MUC22: variants seen among roughly 807,000 people sequenced by gnomAD.
The protein encoded by MUC22 is mucin 22.
In MUC22, 24 loss-of-function variants were observed where a neutral mutation model predicts 40.3. That is an observed-to-expected ratio of 0.60 (90% confidence interval 0.43 to 0.84). The LOEUF is 0.84. Ranked by LOEUF, MUC22 falls within the 40% of genes least tolerant of loss-of-function variation. MUC22 has a pLI of 0.00. For synonymous variants in MUC22, 765 were observed against 844.5 expected, an observed-to-expected ratio of 0.91 and a Z score of 1.63; for missense variants, 1,926 against 2,130.7, an observed-to-expected ratio of 0.90 and a Z score of 1.89.
intron 1 of MUC22, among the ~76,000 whole-genome samples, chr6:31,017,878 C>T (rs898711386): frequency 2.0e-5 from 3 of 152,122 alleles, no homozygotes; most frequent in Non-Finnish European, 2.9e-5. Context: ...AAACTTTGTT[C>T]TTTCACTCTT....
At chr6:31,029,893 G>A in exon 2 of MUC22, 2 of 1,520,576 alleles carry the variant, frequency 1.3e-6, no homozygotes, top group Non-Finnish European at 1.8e-6. Flanking sequence ...GACCAACACT[G>A]CCTTCATCAT....
At chr6:31,029,096 G>A in exon 2 of MUC22, 1 of 1,534,314 alleles carries the variant, frequency 6.5e-7, no homozygotes. Context: ...ACTACTATGG[G>A]CTCTGAGACC....
chr6:31,022,156 C>T (rs1290367809), intron 1 of MUC22, among the ~76,000 whole-genome samples: 1 of 152,136 alleles, frequency 6.6e-6, no homozygotes, highest in Non-Finnish European at 1.5e-5. Context: ...AAACTCCAGA[C>T]ATGCCACCTT....
At chr6:31,034,927 G>A (rs1283509673) in exon 4 of MUC22, 1 of 1,535,554 alleles carries the variant, frequency 6.5e-7, no homozygotes, top group Admixed American at 2.0e-5. Context: ...TGGACATGGA[G>A]GAGGCCACTG....
At position 31,026,061 on chromosome 6, in the gene MUC22, CA is replaced by C. The variant is rs1446097408; in HGVS notation, c.631del (p.Thr211GlnfsTer37). On this transcript the variant is annotated frameshift_variant, in exon 2 of 4. Transcript: ENST00000561890. LOFTEE classifies it high-confidence loss of function. ...GCTCTGAGGCCACTAAAGTCTCTAC[CA>C]CAGGCTCTGAAACCACCACAGCATC... 1 of 1,530,058 alleles carries C rather than the reference CA, an allele frequency of 6.5e-7. No homozygotes were observed. The highest frequency in any genetic ancestry group is 1.2e-5 in the South Asian group (1 of 83,584). The allele number at this position is 1,530,058 out of a possible 1,614,324, so 94.8% of individuals were successfully genotyped here.
exon 2 of MUC22, chr6:31,026,311 G>A (rs1765331648): frequency 6.6e-7 from 1 of 1,509,744 alleles, no homozygotes; most frequent in Admixed American, 2.0e-5. Flanking sequence ...CTCTACAGCA[G>A]GTTCTGAGAC....
chr6:31,012,014 G>A (rs1449727609), intron 1 of MUC22, among the ~76,000 whole-genome samples: 6 of 152,184 alleles, frequency 3.9e-5, no homozygotes, highest in African/African-American at 1.4e-4. Flanking sequence ...AAACAGCCCA[G>A]GGGAGAAGTG....
chr6:31,026,441 C>A (rs1490161688), exon 2 of MUC22: 1 of 1,508,136 alleles, frequency 6.6e-7, no homozygotes, highest in Non-Finnish European at 8.9e-7. Context: ...GGCTCTGGGA[C>A]CACCACAGCT....
intron 2 of MUC22, among the ~76,000 whole-genome samples, chr6:31,031,367 G>A (rs189379140): frequency 1.3e-5 from 2 of 152,150 alleles, no homozygotes; most frequent in African/African-American, 2.4e-5. Flanking sequence ...TCCCAGCCAC[G>A]GCCACTGGCA....
exon 2 of MUC22, chr6:31,025,825 A>G (rs1343029022): frequency 6.5e-7 from 1 of 1,533,364 alleles, no homozygotes; most frequent in Non-Finnish European, 8.7e-7. Flanking sequence ...CGTGGCCTCC[A>G]CCACAGTCTC....
intron 1 of MUC22, among the ~76,000 whole-genome samples, chr6:31,022,704 G>A (rs1206490221): frequency 6.6e-6 from 1 of 152,224 alleles, no homozygotes; most frequent in African/African-American, 2.4e-5. Context: ...AGACTCTCAT[G>A]CCTTTACAGG....
At chr6:31,030,338 A>T (rs1320884754) in intron 2 of MUC22, among the ~76,000 whole-genome samples, 1 of 152,078 alleles carries the variant, frequency 6.6e-6, no homozygotes, top group African/African-American at 2.4e-5. Context: ...TAACACGGTG[A>T]AATCCAGTCT....
At position 31,027,099 on chromosome 6, in the gene MUC22, T is replaced by C. The variant is rs568996220; in HGVS notation, c.1668T>C (p.Thr556=). The C allele has an allele frequency of 4.3e-3, 6,276 of 1,472,544 alleles. 495 individuals carry two copies. The highest frequency in any genetic ancestry group is 9.4e-3 in the East Asian group (354 of 37,684). 91.2% of individuals were successfully genotyped at this position (1,472,544 alleles called of 1,614,324 possible). A position where few individuals can be genotyped will look rare whatever the true frequency, so the allele number is the denominator to read the frequency against. ...CATCCACCATGGGCTCTGAGACCAC[T>C]ATGGCCTCTACCATAGGCCCTGAGA... Residue 556 remains threonine (T), a synonymous_variant, in exon 2 of 4, where the codon ACT becomes ACC. Coordinates refer to ENST00000561890, the Ensembl canonical transcript of MUC22.
At chr6:31,019,077 C>A (rs1764482513) in intron 1 of MUC22, among the ~76,000 whole-genome samples, 1 of 152,220 alleles carries the variant, frequency 6.6e-6, no homozygotes, top group African/African-American at 2.4e-5. Flanking sequence ...GTGCAGGTTT[C>A]CAACTGCCAA....
intron 1 of MUC22, among the ~76,000 whole-genome samples, chr6:31,014,765 C>T (rs1284048911): frequency 6.6e-6 from 1 of 152,136 alleles, no homozygotes; most frequent in African/African-American, 2.4e-5. Context: ...TATGGTTCTT[C>T]CGTCTTCAAC....
At chr6:31,025,381 C>G (rs1251063470) in intron 1 of MUC22, 121 bp from the exon 2 acceptor site, 12 of 1,167,318 alleles carry the variant, frequency 1.0e-5, no homozygotes, top group Non-Finnish European at 1.4e-5. Flanking sequence ...CATGTTAAGC[C>G]CTCAATAACT....
At chr6:31,034,110 A>G (rs371092916) in intron 3 of MUC22, among the ~76,000 whole-genome samples, 1 of 152,248 alleles carries the variant, frequency 6.6e-6, no homozygotes, top group South Asian at 2.1e-4. Context: ...TATTATATTC[A>G]TCTTACAAGT....
exon 2 of MUC22, chr6:31,025,939 T>A (rs1371362929): frequency 6.6e-7 from 1 of 1,524,222 alleles, no homozygotes; most frequent in East Asian, 2.5e-5. Context: ...GATGGCCTCC[T>A]CCATAATTTC....
Position 31,015,159 on chromosome 6 carries a change from CTGGAGTATATGGGCCAGATA to C in MUC22, c.70+4384_70+4403del, listed in dbSNP as rs1335916406. Among the ~76,000 whole-genome samples, 3 of 152,028 alleles carry C rather than the reference CTGGAGTATATGGGCCAGATA, an allele frequency of 2.0e-5. No homozygotes were observed. In the East Asian group the frequency reaches 5.8e-4, roughly 29 times the overall value. ...GACTAAGGCAGATAAATATTGTTTC[CTGGAGTATATGGGCCAGATA>C]GAGGAGCTATGGCTCTGGAATGGTT... On this transcript the variant is annotated intron_variant, in intron 1 of 3. Transcript: ENST00000561890.
Sources: allele counts gnomAD v4.1 joint callset (sites outside exome capture counted in the v4.1 genomes callset), GRCh38; gene constraint gnomAD v4.1.1; transcripts MANE v1.5; gene names NCBI Gene and HGNC (gene_info 2026-07-23, HGNC 2026-07-21).